Variants in ARID5B observed in about 807,000 individuals in gnomAD.
The protein encoded by ARID5B is AT-rich interaction domain 5B, also known as AT-rich interactive domain-containing protein 5B.
A neutral mutation model predicts 97.2 loss-of-function variants in ARID5B; 13 were observed. The ratio of observed to expected loss-of-function variants is 0.13; its 90% CI spans 0.09 to 0.21. The LOEUF (loss-of-function observed/expected upper bound fraction) is 0.21, where lower values mean the gene tolerates loss of function less well. ARID5B is among the 10% of genes least tolerant of loss of function. ARID5B has a pLI of 1.00. For synonymous variants in ARID5B, 556 were observed against 570.3 expected (o/e 0.97, Z 0.36); for missense variants, 1,210 against 1,465.3 (o/e 0.83, Z 2.84).
chr10:61,943,571 G>T (rs1030545258), intron 3 of ARID5B, among the ~76,000 whole-genome samples: 39 of 151,554 alleles, frequency 2.6e-4, no homozygotes, highest in African/African-American at 9.2e-4. Context: ...TTTTAACTGA[G>T]TTATTTCATA....
At chr10:61,958,891 T>A (rs534543235) in intron 3 of ARID5B, among the ~76,000 whole-genome samples, 1 of 152,344 alleles carries the variant, frequency 6.6e-6, no homozygotes, top group South Asian at 2.1e-4. Flanking sequence ...AGCACTTCCA[T>A]CCAGAAAGTG....
At chr10:62,034,766 A>G (rs1281873148) in intron 4 of ARID5B, among the ~76,000 whole-genome samples, 1 of 152,254 alleles carries the variant, frequency 6.6e-6, no homozygotes, top group African/African-American at 2.4e-5. Context: ...GATCTTTGTT[A>G]AAAATCTTTA....
chr10:62,068,123 C>T (rs1416104453), intron 7 of ARID5B, among the ~76,000 whole-genome samples: 1 of 152,114 alleles, frequency 6.6e-6, no homozygotes, highest in East Asian at 1.9e-4. Flanking sequence ...AAGATTATAT[C>T]ATTTAAAGGT....
intron 4 of ARID5B, among the ~76,000 whole-genome samples, chr10:62,026,353 A>G (rs1450356790): frequency 6.6e-6 from 1 of 152,208 alleles, no homozygotes; most frequent in Non-Finnish European, 1.5e-5. Flanking sequence ...TGTCCAACTG[A>G]CATTTATTGA....
intron 3 of ARID5B, among the ~76,000 whole-genome samples, chr10:61,985,843 T>C (rs1000275084): frequency 6.6e-6 from 1 of 152,122 alleles, no homozygotes; most frequent in Non-Finnish European, 1.5e-5. Context: ...ATGTGCTTTC[T>C]AAGGGGTTAA....
chr10:61,924,771 G>T (rs1409831184), intron 2 of ARID5B, among the ~76,000 whole-genome samples: 1 of 152,190 alleles, frequency 6.6e-6, no homozygotes, highest in Non-Finnish European at 1.5e-5. Flanking sequence ...GAGACTCTGT[G>T]CCAGATGACC....
At chr10:61,926,055 T>A (rs1033060325) in intron 2 of ARID5B, among the ~76,000 whole-genome samples, 9 of 152,218 alleles carry the variant, frequency 5.9e-5, no homozygotes, top group African/African-American at 2.2e-4. Context: ...AGAGCCTCCG[T>A]GGCAAATCAT....
At chr10:62,012,538 TA>T (rs1414574975) in intron 4 of ARID5B, among the ~76,000 whole-genome samples, 4 of 152,036 alleles carry the variant, frequency 2.6e-5, no homozygotes, top group Admixed American at 1.3e-4. Flanking sequence ...CTGTCTCTAT[TA>T]AAAAACAAAG....
intron 4 of ARID5B, among the ~76,000 whole-genome samples, chr10:62,002,214 TAGAA>T (rs1304010144): frequency 1.2e-4 from 19 of 152,360 alleles, no homozygotes; most frequent in African/African-American, 4.3e-4. Context: ...GAATTGGTAA[TAGAA>T]AGAAGTTCCA....
intron 3 of ARID5B, among the ~76,000 whole-genome samples, chr10:61,972,225 CT>C (rs71022106): frequency 0.29 from 32,562 of 111,988 alleles, 2,302 homozygotes; most frequent in South Asian, 0.4. Context: ...TTATATCATG[CT>C]TTTTTTTTTT....
chr10:62,091,377 C>T lies in ARID5B; in HGVS notation c.1914C>T (p.Ile638=). ...TGGACCAGCTGGGCAGTGACGACAT[C>T]CACAATGCGCTCAAGCAGACCCCAA... ...VKVDQLGSDD[I]HNALKQTPKV... The change falls in exon 10 of 10, where the codon ATC becomes ATT. Residue 638 remains isoleucine, a synonymous_variant. Coordinates refer to ENST00000279873, the MANE Select transcript of ARID5B (RefSeq NM_032199.3). 1.2e-6 allele frequency: 2 copies of T among 1,614,102 alleles called. No individual in the cohort carries two copies. The highest frequency in any genetic ancestry group is 2.7e-5 in the African/African-American group (2 of 75,002).
intron 4 of ARID5B, among the ~76,000 whole-genome samples, chr10:62,041,294 G>A (rs1451244569): frequency 6.6e-6 from 1 of 152,152 alleles, no homozygotes; most frequent in African/African-American, 2.4e-5. Context: ...AACAAATGAA[G>A]CTCAGAGACC....
At chr10:61,977,200 T>G (rs958366273) in intron 3 of ARID5B, among the ~76,000 whole-genome samples, 4 of 152,282 alleles carry the variant, frequency 2.6e-5, no homozygotes, top group Non-Finnish European at 5.9e-5. Context: ...TCCTTTTTTA[T>G]GGCTGCATAG....
At chr10:61,947,516 C>T (rs2132806994) in intron 3 of ARID5B, among the ~76,000 whole-genome samples, 1 of 151,524 alleles carries the variant, frequency 6.6e-6, no homozygotes, top group Admixed American at 6.6e-5. Flanking sequence ...AGTGATCACC[C>T]GCCTTGGCCT....
intron 2 of ARID5B, among the ~76,000 whole-genome samples, chr10:61,935,289 C>G (rs6479779): frequency 0.62 from 94,874 of 151,832 alleles, 29,788 homozygotes; most frequent in Non-Finnish European, 0.64. Context: ...TTGTAATCAC[C>G]AAAATTGAAA....
intron 2 of ARID5B, among the ~76,000 whole-genome samples, chr10:61,909,226 A>G (rs115521427): frequency 0.023 from 3,370 of 148,294 alleles, 165 homozygotes; most frequent in African/African-American, 0.079. Context: ...ACCTGACCCT[A>G]TGCTCCCCCC....
At chr10:62,065,583 C>T (rs999337941) in intron 7 of ARID5B, among the ~76,000 whole-genome samples, 3 of 152,066 alleles carry the variant, frequency 2.0e-5, no homozygotes, top group African/African-American at 4.8e-5. Context: ...CGGTGGCTCA[C>T]GCCTGTAATC....
intron 3 of ARID5B, among the ~76,000 whole-genome samples, chr10:61,971,053 T>C (rs930454038): frequency 2.6e-5 from 4 of 151,724 alleles, no homozygotes; most frequent in Admixed American, 1.3e-4. Context: ...AAGAGTAAAA[T>C]AGAGACCCTG....
chr10:61,959,798 G>C (rs1490656427), intron 3 of ARID5B, among the ~76,000 whole-genome samples: 1 of 152,196 alleles, frequency 6.6e-6, no homozygotes, highest in Non-Finnish European at 1.5e-5. Context: ...GTGTGATAGG[G>C]AGGACAGGTG....
Sources: gnomAD v4.1 joint callset for allele counts (sites outside exome capture counted in the v4.1 genomes callset) on GRCh38, gnomAD v4.1.1 for gene constraint, MANE v1.5 for transcripts, NCBI Gene and HGNC (gene_info 2026-07-23, HGNC 2026-07-21) for gene names.